The following GPC6 variants were observed in gnomAD, a reference collection of about 807,000 sequenced individuals.
GPC6 encodes glypican 6, also known as glypican-6.
GPC6 carries 14 observed loss-of-function variants against 55.2 expected under a neutral mutation model. The ratio of observed to expected loss-of-function variants is 0.25; its 90% CI spans 0.17 to 0.40. The LOEUF is 0.40. Among genes scored for constraint, GPC6 ranks in the 10% least tolerant of loss-of-function variants. GPC6 has a pLI of 1.00. For missense variants in GPC6, 641 were observed against 708.5 expected (o/e 0.90, Z 1.08); for synonymous variants, 278 against 259.6 (o/e 1.07, Z -0.68).
intron 3 of GPC6, among the ~76,000 whole-genome samples, chr13:93,989,634 A>G (rs1347888190): frequency 6.6e-6 from 1 of 152,170 alleles, no homozygotes; most frequent in Non-Finnish European, 1.5e-5. Context: ...TATACGTGCT[A>G]TGCTGCCATC....
chr13:94,346,574 T>A (rs111954465), intron 6 of GPC6, among the ~76,000 whole-genome samples: 2,364 of 151,838 alleles, frequency 0.016, 33 homozygotes, highest in South Asian at 0.024. Flanking sequence ...ACAAAAAAAA[T>A]AGCTGGGCGT....
At chr13:93,432,504 G>A (rs1877400382) in intron 1 of GPC6, among the ~76,000 whole-genome samples, 2 of 152,108 alleles carry the variant, frequency 1.3e-5, no homozygotes, top group South Asian at 4.1e-4. Flanking sequence ...TTTGTGTAGT[G>A]TATAAAAACA....
At chr13:94,104,634 C>T (rs1382710468) in intron 4 of GPC6, among the ~76,000 whole-genome samples, 2 of 152,118 alleles carry the variant, frequency 1.3e-5, no homozygotes, top group African/African-American at 4.8e-5. Flanking sequence ...GATACAAAAT[C>T]AATGTAGAAA....
At chr13:93,957,903 A>G (rs975500260) in intron 3 of GPC6, among the ~76,000 whole-genome samples, 1 of 152,124 alleles carries the variant, frequency 6.6e-6, no homozygotes, top group Non-Finnish European at 1.5e-5. Context: ...AATAATAGCC[A>G]TTTTGACCAG....
intron 3 of GPC6, among the ~76,000 whole-genome samples, chr13:93,989,442 G>A (rs1881189742): frequency 6.6e-6 from 1 of 152,144 alleles, no homozygotes; most frequent in South Asian, 2.1e-4. Context: ...TCGAATCTCA[G>A]GCATAGAACC....
At chr13:93,246,128 C>G (rs1196935061) in intron 1 of GPC6, among the ~76,000 whole-genome samples, 2 of 152,200 alleles carry the variant, frequency 1.3e-5, no homozygotes, top group African/African-American at 4.8e-5. Flanking sequence ...ATCCTAGCCT[C>G]TCAGGCACAG....
At chr13:93,914,085 CT>C (rs1182664960) in intron 3 of GPC6, among the ~76,000 whole-genome samples, 1 of 151,778 alleles carries the variant, frequency 6.6e-6, no homozygotes, top group African/African-American at 2.4e-5. Flanking sequence ...TTTTATTATA[CT>C]TTAAGTTTTA....
intron 4 of GPC6, among the ~76,000 whole-genome samples, chr13:94,074,301 G>T (rs567920883): frequency 6.6e-6 from 1 of 152,170 alleles, no homozygotes; most frequent in Non-Finnish European, 1.5e-5. Context: ...TCTGTTTCAA[G>T]AGCATATGTG....
chr13:94,215,232 C>G (rs1890191555), intron 4 of GPC6, among the ~76,000 whole-genome samples: 1 of 152,118 alleles, frequency 6.6e-6, no homozygotes, highest in South Asian at 2.1e-4. Flanking sequence ...GTTCCACTCC[C>G]AGCTTCTAAC....
At chr13:94,044,033 G>A (rs1014346919) in intron 4 of GPC6, among the ~76,000 whole-genome samples, 2 of 151,730 alleles carry the variant, frequency 1.3e-5, no homozygotes, top group Middle Eastern at 3.4e-3. Context: ...AGGATATGAA[G>A]CATTACTGTA....
chr13:94,179,309 T>C (rs1289797891), intron 4 of GPC6, among the ~76,000 whole-genome samples: 1 of 152,190 alleles, frequency 6.6e-6, no homozygotes, highest in Non-Finnish European at 1.5e-5. Context: ...AAATCTCTTA[T>C]GTCTTATTGG....
intron 1 of GPC6, among the ~76,000 whole-genome samples, chr13:93,425,972 AT>A (rs1594161250): frequency 6.6e-6 from 1 of 152,274 alleles, no homozygotes. Flanking sequence ...CCAAAGCAAG[AT>A]TTAATTGAAT....
At position 94,406,715 on chromosome 13, in the gene GPC6, G is replaced by C. The variant is rs1248024220; in HGVS notation, c.*3498G>C. ...CTTTTGCCATTACATACATGTTTCG[G>C]CTACAGACTGAACACGAACTAAAGT... On this transcript the variant is annotated 3_prime_UTR_variant, in exon 9 of 9. Transcript: ENST00000377047. 2 of 151,938 alleles carry C rather than the reference G, an allele frequency of 1.3e-5. No individual in the cohort carries two copies. Among genetic ancestry groups the C allele is most frequent in the Non-Finnish European group, 2.9e-5 (2 of 67,940 alleles). 9.4% of individuals were successfully genotyped at this position (151,938 alleles called of 1,614,324 possible).
At chr13:94,051,785 C>T (rs11619624) in intron 4 of GPC6, among the ~76,000 whole-genome samples, 87,820 of 151,998 alleles carry the variant, frequency 0.58, 27,053 homozygotes, top group Middle Eastern at 0.73. Context: ...TCTTTAGTTT[C>T]ACTGCATAGA....
At chr13:94,087,861 G>A (rs1556081) in intron 4 of GPC6, among the ~76,000 whole-genome samples, 120,267 of 152,126 alleles carry the variant, frequency 0.79, 47,889 homozygotes, top group South Asian at 0.88. Context: ...CTGAGAGCCT[G>A]ATAAGATCTT....
At chr13:94,342,167 C>A (rs558525875) in intron 6 of GPC6, among the ~76,000 whole-genome samples, 1 of 152,304 alleles carries the variant, frequency 6.6e-6, no homozygotes, top group African/African-American at 2.4e-5. Context: ...TATTTCGTTC[C>A]AGTAGCTGAA....
chr13:93,597,470 C>A (rs956353843), intron 2 of GPC6, among the ~76,000 whole-genome samples: 2 of 151,934 alleles, frequency 1.3e-5, no homozygotes, highest in African/African-American at 2.4e-5. Flanking sequence ...GGAACCTGGG[C>A]CCCCTTCCAT....
At chr13:93,510,863 G>A (rs1281889709) in intron 1 of GPC6, among the ~76,000 whole-genome samples, 1 of 147,486 alleles carries the variant, frequency 6.8e-6, no homozygotes, top group African/African-American at 2.5e-5. Context: ...ATCTCATTGT[G>A]GTTTTGGTTT....
chr13:94,125,788 G>A (rs1007071803), intron 4 of GPC6, among the ~76,000 whole-genome samples: 20 of 151,622 alleles, frequency 1.3e-4, no homozygotes, highest in African/African-American at 3.6e-4. Context: ...GAGCACTGCT[G>A]TGTACCCACC....
Sources: gnomAD v4.1 joint callset for allele counts (sites outside exome capture counted in the v4.1 genomes callset) on GRCh38, gnomAD v4.1.1 for gene constraint, MANE v1.5 for transcripts, NCBI Gene and HGNC (gene_info 2026-07-23, HGNC 2026-07-21) for gene names.